CCSER1: variants seen among roughly 807,000 people sequenced by gnomAD.
CCSER1 encodes the protein serine-rich coiled-coil domain-containing protein 1.
A neutral mutation model predicts 82.0 loss-of-function variants in CCSER1; 41 were observed. The observed-to-expected ratio is 0.50, with a 90% confidence interval of 0.39 to 0.65. CCSER1 has a LOEUF of 0.65. CCSER1 is among the 30% of genes least tolerant of loss of function. The pLI, the probability that CCSER1 is intolerant of heterozygous loss-of-function variation, is 0.00. For synonymous variants in CCSER1, 414 were observed against 383.9 expected, an observed-to-expected ratio of 1.08 and a Z score of -0.92; for missense variants, 1,119 against 1,064.2, an observed-to-expected ratio of 1.05 and a Z score of -0.72.
intron 10 of CCSER1, among the ~76,000 whole-genome samples, chr4:91,287,422 T>C (rs904446208): frequency 7.2e-5 from 11 of 151,996 alleles, no homozygotes; most frequent in Non-Finnish European, 5.9e-5. Flanking sequence ...TTATTTATCA[T>C]TCTATTTTAG....
chr4:91,188,543 A>T (rs1389894766), intron 10 of CCSER1, among the ~76,000 whole-genome samples: 1 of 152,170 alleles, frequency 6.6e-6, no homozygotes, highest in Admixed American at 6.5e-5. Context: ...TGCTCAGTAA[A>T]TTGTTATTAT....
chr4:90,404,763 A>G (rs1753461751), intron 4 of CCSER1, among the ~76,000 whole-genome samples: 1 of 152,120 alleles, frequency 6.6e-6, no homozygotes, highest in Admixed American at 6.5e-5. Flanking sequence ...ATGGGCAAAA[A>G]CAATCACTGC....
At chr4:91,106,327 G>C (rs938594829) in intron 10 of CCSER1, among the ~76,000 whole-genome samples, 1 of 152,138 alleles carries the variant, frequency 6.6e-6, no homozygotes, top group Non-Finnish European at 1.5e-5. Context: ...TAGTTAGTAA[G>C]CCCAGGAAGC....
At chr4:90,471,713 C>T (rs1473872184) in intron 5 of CCSER1, among the ~76,000 whole-genome samples, 1 of 151,650 alleles carries the variant, frequency 6.6e-6, no homozygotes, top group Middle Eastern at 3.2e-3. Context: ...TGGTGACTCA[C>T]ACCTGTAATC....
At chr4:91,200,234 T>C (rs1460866702) in intron 10 of CCSER1, among the ~76,000 whole-genome samples, 1 of 152,134 alleles carries the variant, frequency 6.6e-6, no homozygotes, top group Non-Finnish European at 1.5e-5. Context: ...TTTCAAATTA[T>C]TTTATATTTA....
At chr4:91,533,726 A>G (rs111864718) in intron 10 of CCSER1, among the ~76,000 whole-genome samples, 35 of 149,914 alleles carry the variant, frequency 2.3e-4, no homozygotes, top group African/African-American at 8.1e-4. Flanking sequence ...AGGAAAAATG[A>G]AAAAAAAAAT....
At chr4:90,750,737 A>G (rs556379022) in intron 7 of CCSER1, among the ~76,000 whole-genome samples, 1 of 152,206 alleles carries the variant, frequency 6.6e-6, no homozygotes. Flanking sequence ...ATCATAAAAC[A>G]TAGTAAACAG....
intron 9 of CCSER1, among the ~76,000 whole-genome samples, chr4:90,990,089 A>G (rs772045439): frequency 2.6e-5 from 4 of 151,914 alleles, no homozygotes; most frequent in Non-Finnish European, 5.9e-5. Flanking sequence ...CTTATTTGCC[A>G]CATAATGCCT....
chr4:91,092,710 AC>A (rs931000720), intron 10 of CCSER1, among the ~76,000 whole-genome samples: 7 of 152,026 alleles, frequency 4.6e-5, no homozygotes, highest in African/African-American at 1.7e-4. Flanking sequence ...AACTGTATCC[AC>A]CCTTCTTTTA....
intron 10 of CCSER1, among the ~76,000 whole-genome samples, chr4:91,486,084 G>A (rs1467774790): frequency 6.6e-6 from 1 of 151,618 alleles, no homozygotes. Flanking sequence ...ATTGAGAATT[G>A]CATTTTCCAC....
intron 5 of CCSER1, among the ~76,000 whole-genome samples, chr4:90,561,856 A>G (rs1250054095): frequency 3.3e-5 from 5 of 152,180 alleles, no homozygotes. Context: ...TGATATAACT[A>G]ATAATAATCA....
intron 6 of CCSER1, among the ~76,000 whole-genome samples, chr4:90,684,408 G>A (rs1465660719): frequency 6.6e-6 from 1 of 152,038 alleles, no homozygotes; most frequent in Non-Finnish European, 1.5e-5. Context: ...AAAATAACAT[G>A]CTATTCATTA....
chr4:90,675,695 T>G, intron 6 of CCSER1, among the ~76,000 whole-genome samples: 2 of 1,046 alleles, frequency 1.9e-3, no homozygotes, highest in African/African-American at 7.6e-3. Context: ...TTTTTTTTTT[T>G]TTTTTTTTAT....
chr4:90,551,418 G>C lies in CCSER1; in HGVS notation c.1725-76607G>C, dbSNP rs575748634. Among the ~76,000 whole-genome samples, 3 of 151,956 alleles carry C rather than the reference G, an allele frequency of 2.0e-5. No individual in the cohort carries two copies. The East Asian group carries it at 5.8e-4, about 30-fold the overall frequency. On this transcript the variant is annotated intron_variant, in intron 5 of 10. Transcript: ENST00000509176. ...AAATGACTCTGGTTCTTGCTTGCAG[G>C]CCTCAGAGCGCACTTTTCTATCAGC...
chr4:90,373,800 T>C (rs1242405664), intron 3 of CCSER1, among the ~76,000 whole-genome samples: 1 of 152,136 alleles, frequency 6.6e-6, no homozygotes, highest in Non-Finnish European at 1.5e-5. Context: ...CTATAGAAGA[T>C]ATAGTGCCTC....
intron 10 of CCSER1, chr4:91,319,159 T>C: frequency 4.3e-6 from 1 of 230,286 alleles, no homozygotes; most frequent in Non-Finnish European, 9.0e-6. Flanking sequence ...TAAAATTAGA[T>C]GATGCATAAG....
At chr4:90,891,250 T>C (rs1457863519) in intron 8 of CCSER1, among the ~76,000 whole-genome samples, 1 of 151,728 alleles carries the variant, frequency 6.6e-6, no homozygotes, top group African/African-American at 2.4e-5. Context: ...TATAGTATAC[T>C]AAGAGTAAGG....
chr4:90,324,793 TA>T (rs1454607644), intron 3 of CCSER1, among the ~76,000 whole-genome samples: 1 of 152,230 alleles, frequency 6.6e-6, no homozygotes, highest in Non-Finnish European at 1.5e-5. Flanking sequence ...CTAGGGTTTT[TA>T]TGGTTTTAGG....
chr4:90,798,223 C>T (rs187107568), intron 7 of CCSER1, among the ~76,000 whole-genome samples: 1 of 152,172 alleles, frequency 6.6e-6, no homozygotes, highest in East Asian at 1.9e-4. Context: ...TTCAGAAAGT[C>T]AGTCCTCAAT....
Sources: allele counts gnomAD v4.1 joint callset (sites outside exome capture counted in the v4.1 genomes callset), GRCh38; gene constraint gnomAD v4.1.1; transcripts MANE v1.5; gene names NCBI Gene and HGNC (gene_info 2026-07-23, HGNC 2026-07-21).